GRID2: variants seen among roughly 807,000 people sequenced by gnomAD.
GRID2 encodes the protein glutamate ionotropic receptor delta type subunit 2.
A neutral mutation model predicts 114.8 loss-of-function variants in GRID2; 33 were observed. The observed-to-expected ratio is 0.29, with a 90% CI of 0.22 to 0.38. The LOEUF (loss-of-function observed/expected upper bound fraction) is 0.38, where lower values mean the gene tolerates loss of function less well. Ranked by LOEUF, GRID2 falls within the 10% of genes least tolerant of loss-of-function variation. The pLI is 1.00. For synonymous variants in GRID2, 505 were observed against 449.9 expected (o/e 1.12, Z -1.55); for missense variants, 1,184 against 1,257.7 (o/e 0.94, Z 0.89).
At chr4:93,746,251 G>T (rs983319618) in intron 14 of GRID2, among the ~76,000 whole-genome samples, 2 of 152,032 alleles carry the variant, frequency 1.3e-5, no homozygotes, top group African/African-American at 2.4e-5. Context: ...TCTAATCATT[G>T]TACTAGGAAA....
intron 3 of GRID2, among the ~76,000 whole-genome samples, chr4:93,093,176 T>C (rs1439120459): frequency 6.6e-6 from 1 of 152,050 alleles, no homozygotes; most frequent in African/African-American, 2.4e-5. Flanking sequence ...TATTACTAGT[T>C]GCTGAATTCG....
intron 1 of GRID2, among the ~76,000 whole-genome samples, chr4:93,805,863 G>A (rs529929205): frequency 3.3e-5 from 5 of 152,304 alleles, no homozygotes; most frequent in Admixed American, 2.6e-4. Context: ...TTGGGAAGCC[G>A]AGGCAAGTGG....
At chr4:93,021,631 C>G (rs183336539) in intron 2 of GRID2, among the ~76,000 whole-genome samples, 2 of 140,430 alleles carry the variant, frequency 1.4e-5, no homozygotes, top group Non-Finnish European at 3.1e-5. Context: ...TATATATTAT[C>G]ACTATATTAT....
At position 93,773,159 on chromosome 4, in the gene GRID2, T is replaced by G. The variant is rs1188492224; in HGVS notation, c.*661T>G. The G allele has an allele frequency of 6.6e-6, 1 of 152,220 alleles. No homozygotes were observed. The highest frequency in any genetic ancestry group is 1.5e-5 in the Non-Finnish European group (1 of 68,028). 9.4% of individuals were successfully genotyped at this position (152,220 alleles called of 1,614,324 possible). A position where few individuals can be genotyped will look rare whatever the true frequency, so the allele number is the denominator to read the frequency against. ...ATTGTACAGTATTAAAAGTTTTTTC[T>G]TATGTACAGTAAACTTTATCATATG... On this transcript the variant is annotated 3_prime_UTR_variant, in exon 16 of 16. Transcript: ENST00000282020.
chr4:93,598,710 A>T (rs1340803481), intron 13 of GRID2, among the ~76,000 whole-genome samples: 1 of 152,200 alleles, frequency 6.6e-6, no homozygotes, highest in Admixed American at 6.5e-5. Flanking sequence ...TTCTTGAAGG[A>T]GAATGCACCT....
At chr4:92,420,763 C>T (rs1731864528) in intron 1 of GRID2, among the ~76,000 whole-genome samples, 1 of 152,180 alleles carries the variant, frequency 6.6e-6, no homozygotes, top group African/African-American at 2.4e-5. Context: ...CAGCTCACTG[C>T]AACATCCACC....
rs141774089 is a variant in GRID2 at position 92,861,150 on chromosome 4, A to G, written c.245-223845A>G. Among the ~76,000 whole-genome samples the G allele has an allele frequency of 5.9e-3, 902 of 152,180 alleles. 16 individuals are homozygous for G. The highest frequency in any genetic ancestry group is 0.021 in the African/African-American group (856 of 41,554). ...GGATTTATCATTACTGTCTACATCTATATTAGTTTTCTATTGCTGGTAACA... is the reference window on the plus strand; with the variant it reads ...GGATTTATCATTACTGTCTACATCTGTATTAGTTTTCTATTGCTGGTAACA... On this transcript the variant is annotated intron_variant, in intron 2 of 15. Transcript: ENST00000282020.
intron 4 of GRID2, among the ~76,000 whole-genome samples, chr4:93,169,266 T>G (rs575558305): frequency 1.3e-5 from 2 of 152,188 alleles, no homozygotes; most frequent in Non-Finnish European, 2.9e-5. Context: ...ATATGTGTCT[T>G]TATTGATGTA....
intron 8 of GRID2, among the ~76,000 whole-genome samples, chr4:93,305,428 G>A (rs1755314869): frequency 6.6e-6 from 1 of 152,160 alleles, no homozygotes; most frequent in Non-Finnish European, 1.5e-5. Context: ...CTGAATTTAG[G>A]GTGAAGGGGA....
intron 2 of GRID2, among the ~76,000 whole-genome samples, chr4:93,032,761 A>G (rs1284203985): frequency 6.6e-6 from 1 of 152,206 alleles, no homozygotes; most frequent in Non-Finnish European, 1.5e-5. Flanking sequence ...GATAGAATGT[A>G]TACTTCACAT....
At chr4:92,546,685 T>A (rs898496353) in intron 1 of GRID2, among the ~76,000 whole-genome samples, 3 of 152,220 alleles carry the variant, frequency 2.0e-5, no homozygotes, top group African/African-American at 7.2e-5. Flanking sequence ...CTGGACTTCC[T>A]AAATTGAAGT....
chr4:92,573,004 A>C (rs1727707035), intron 1 of GRID2, among the ~76,000 whole-genome samples: 1 of 151,554 alleles, frequency 6.6e-6, no homozygotes, highest in African/African-American at 2.4e-5. Flanking sequence ...TTCAGAACTC[A>C]TTATTGCCCT....
intron 2 of GRID2, among the ~76,000 whole-genome samples, chr4:93,075,842 T>C (rs570360288): frequency 1.3e-5 from 2 of 150,072 alleles, no homozygotes; most frequent in East Asian, 2.0e-4. Flanking sequence ...TGCTTATGAA[T>C]TGGAATACTC....
At chr4:92,810,765 T>C (rs1417568079) in intron 2 of GRID2, among the ~76,000 whole-genome samples, 4 of 152,174 alleles carry the variant, frequency 2.6e-5, no homozygotes, top group African/African-American at 9.6e-5. Context: ...TTGCTTGCTG[T>C]TTTCTTAAAT....
chr4:93,267,447 A>G (rs897237958), intron 8 of GRID2, among the ~76,000 whole-genome samples: 2 of 152,166 alleles, frequency 1.3e-5, no homozygotes, highest in Non-Finnish European at 2.9e-5. Context: ...CCCAGCATGG[A>G]GAAAGAGGTG....
chr4:93,741,159 C>CTATATATATATACATATA (rs1560963214), intron 14 of GRID2, among the ~76,000 whole-genome samples: 3 of 47,184 alleles, frequency 6.4e-5, no homozygotes, highest in Non-Finnish European at 1.0e-4. Flanking sequence ...ACCTGAGAAA[C>CTATATATATATACATATA]TATATATATA....
At chr4:92,486,367 TTC>T (rs1413122746) in intron 1 of GRID2, among the ~76,000 whole-genome samples, 1 of 151,764 alleles carries the variant, frequency 6.6e-6, no homozygotes, top group East Asian at 1.9e-4. Context: ...TAAATTGAGC[TTC>T]TTACATTTTT....
chr4:92,738,747 G>C (rs1736724129), intron 2 of GRID2, among the ~76,000 whole-genome samples: 1 of 151,984 alleles, frequency 6.6e-6, no homozygotes, highest in South Asian at 2.1e-4. Context: ...GAACTCCTAG[G>C]CTTAAGTGAT....
chr4:93,042,163 A>G (rs1394597918), intron 2 of GRID2, among the ~76,000 whole-genome samples: 1 of 151,862 alleles, frequency 6.6e-6, no homozygotes, highest in East Asian at 1.9e-4. Flanking sequence ...TTAGCCTCCC[A>G]AAATGCTGGG....
Sources: allele counts gnomAD v4.1 joint callset (sites outside exome capture counted in the v4.1 genomes callset), GRCh38; gene constraint gnomAD v4.1.1; transcripts MANE v1.5; gene names NCBI Gene and HGNC (gene_info 2026-07-23, HGNC 2026-07-21).